Variants in USH2A observed in about 807,000 individuals in gnomAD.
USH2A encodes usherin.
USH2A carries 443 observed loss-of-function variants against 538.9 expected under a neutral mutation model. That is an observed-to-expected ratio of 0.82 (90% CI 0.76 to 0.89). USH2A has a LOEUF of 0.89. USH2A is among the 40% of genes least tolerant of loss of function. The pLI, the probability that USH2A is intolerant of heterozygous loss-of-function variation, is 0.00. For missense variants in USH2A, 6,633 were observed against 6,324.8 expected, an observed-to-expected ratio of 1.05 and a Z score of -1.65; for synonymous variants, 2,413 against 2,273.5, an observed-to-expected ratio of 1.06 and a Z score of -1.75.
intron 9 of USH2A, among the ~76,000 whole-genome samples, chr1:216,308,535 T>C (rs968563689): frequency 2.0e-5 from 3 of 152,234 alleles, no homozygotes; most frequent in African/African-American, 7.2e-5. Flanking sequence ...GTTTTTCAAA[T>C]AGTTTGCTTA....
chr1:215,627,275 A>AGAAGTG (rs1013121901), intron 71 of USH2A, among the ~76,000 whole-genome samples: 16 of 152,308 alleles, frequency 1.1e-4, no homozygotes, highest in African/African-American at 3.6e-4. Context: ...GATGATTGAA[A>AGAAGTG]GAAGTGGAGG....
chr1:216,367,770 A>T (rs2038627139), intron 3 of USH2A, among the ~76,000 whole-genome samples: 1 of 152,144 alleles, frequency 6.6e-6, no homozygotes. Flanking sequence ...CTATTTTACA[A>T]TTCTGATCTG....
intron 4 of USH2A, among the ~76,000 whole-genome samples, chr1:216,335,170 G>T (rs748331539): frequency 6.6e-6 from 1 of 151,642 alleles, no homozygotes; most frequent in Non-Finnish European, 1.5e-5. Flanking sequence ...TAACAAATGT[G>T]TGAAAATTAA....
At chr1:216,233,241 G>C (rs1485901863) in intron 13 of USH2A, among the ~76,000 whole-genome samples, 1 of 151,982 alleles carries the variant, frequency 6.6e-6, no homozygotes, top group African/African-American at 2.4e-5. Context: ...AGTCATATTT[G>C]TTCCTCTTCT....
At chr1:216,210,719 G>A (rs551223726) in intron 15 of USH2A, among the ~76,000 whole-genome samples, 4 of 152,196 alleles carry the variant, frequency 2.6e-5, no homozygotes, top group African/African-American at 7.2e-5. Flanking sequence ...CTTCAGTCAT[G>A]CCTATCCAAT....
chr1:215,676,306 A>G (rs10495004), intron 62 of USH2A, among the ~76,000 whole-genome samples: 32,710 of 152,124 alleles, frequency 0.22, 3,851 homozygotes, highest in South Asian at 0.41. Flanking sequence ...TTGTTCTGGA[A>G]AAAAACATCT....
At chr1:215,691,516 A>G (rs1035080899) in intron 61 of USH2A, among the ~76,000 whole-genome samples, 9 of 152,158 alleles carry the variant, frequency 5.9e-5, no homozygotes, top group Non-Finnish European at 2.9e-5. Context: ...ACTTCAGCTC[A>G]TCTTCTCAAT....
Position 215,674,846 on chromosome 1 carries a change from A to T in USH2A, c.13065T>A (p.Ala4355=). 6.2e-7 allele frequency: 1 copy of T among 1,614,158 alleles called. No individual in the cohort carries two copies. Among genetic ancestry groups the T allele is most frequent in the South Asian group, 1.1e-5 (1 of 91,082 alleles). The change falls in exon 63 of 72, where the codon GCT becomes GCA. Residue 4355 remains alanine, a synonymous_variant. Coordinates refer to ENST00000307340, the MANE Select transcript of USH2A (RefSeq NM_206933.4). ...KPTSITTLEA[A]PSEVSPPDLW... is the part of the protein sequence containing the mutation. The stretch of plus-strand genomic sequence containing the variant: ...GATCTGGAGGGCTGACTTCTGATGG[A>T]GCAGCCTCCAGAGTTGTGATGCTGG...
At chr1:216,341,243 C>G (rs572584160) in intron 4 of USH2A, among the ~76,000 whole-genome samples, 110 of 152,150 alleles carry the variant, frequency 7.2e-4, no homozygotes, top group African/African-American at 2.6e-3. Flanking sequence ...CTCCCATTCA[C>G]AATTGCTACA....
At chr1:215,998,786 CTTTTTT>C (rs140899702) in intron 34 of USH2A, 95 bp downstream of exon 34, 22 of 1,096,016 alleles carry the variant, frequency 2.0e-5, no homozygotes, top group Non-Finnish European at 2.7e-5. Flanking sequence ...AAGATTTTGA[CTTTTTT>C]TTTTTTAAGT....
rs1392976491 is a variant in USH2A, at chr1:215,630,518, ATATATATAT to A, written c.15298-1492_15298-1484del. On this transcript the variant is annotated intron_variant, in intron 70 of 71. Transcript: ENST00000307340. ...TATATATATATATATATATATATAT[ATATATATAT>A]GAGAGAGAGAAAGTTGGGTTTTGCA... Among the ~76,000 whole-genome samples the A allele has an allele frequency of 1.7e-3, 185 of 106,442 alleles. 2 individuals carry two copies. The highest frequency in any genetic ancestry group is 5.8e-3 in the African/African-American group (175 of 30,310). 69.8% of individuals were successfully genotyped at this position (106,442 alleles called of 152,430 possible). A position where few individuals can be genotyped will look rare whatever the true frequency, so the allele number is the denominator to read the frequency against.
chr1:215,745,798 A>G (rs914109926), intron 58 of USH2A, among the ~76,000 whole-genome samples: 11 of 152,188 alleles, frequency 7.2e-5, no homozygotes, highest in African/African-American at 2.4e-4. Context: ...AGAGTAGGAC[A>G]ACTTGGGGAA....
chr1:216,415,093 A>G (rs902013819), intron 3 of USH2A, among the ~76,000 whole-genome samples: 3 of 152,236 alleles, frequency 2.0e-5, no homozygotes, highest in Non-Finnish European at 4.4e-5. Context: ...GAGAAGAGAA[A>G]AAAAGCACAA....
intron 4 of USH2A, among the ~76,000 whole-genome samples, chr1:216,360,619 A>G (rs904180914): frequency 1.3e-5 from 2 of 152,050 alleles, no homozygotes; most frequent in Non-Finnish European, 2.9e-5. Flanking sequence ...ACAATGGGGA[A>G]GGCTGTGCGT....
intron 21 of USH2A, among the ~76,000 whole-genome samples, chr1:216,126,246 TG>T (rs2033252451): frequency 6.6e-6 from 1 of 151,998 alleles, no homozygotes; most frequent in African/African-American, 2.4e-5. Context: ...TTTTTTGAGA[TG>T]AGGTCTTGCT....
intron 32 of USH2A, among the ~76,000 whole-genome samples, chr1:216,014,439 C>A (rs1668657521): frequency 6.6e-6 from 1 of 152,192 alleles, no homozygotes; most frequent in African/African-American, 2.4e-5. Flanking sequence ...AGCTTAACTG[C>A]AACTGATTTG....
intron 31 of USH2A, among the ~76,000 whole-genome samples, chr1:216,047,119 C>T (rs1475448771): frequency 6.6e-6 from 1 of 151,846 alleles, no homozygotes; most frequent in Non-Finnish European, 1.5e-5. Flanking sequence ...ATTGGGGGGT[C>T]CTAAGAACTA....
chr1:216,097,902 A>G (rs1187175392), intron 21 of USH2A, among the ~76,000 whole-genome samples: 3 of 151,912 alleles, frequency 2.0e-5, no homozygotes, highest in African/African-American at 7.3e-5. Flanking sequence ...CAGCCCTATG[A>G]ATGATGTCAC....
intron 17 of USH2A, 96 bp from the exon 18 acceptor site, chr1:216,198,680 T>A (rs897538129): frequency 1.0e-4 from 110 of 1,078,264 alleles, no homozygotes; most frequent in South Asian, 7.3e-4. Flanking sequence ...GTGCTGGATA[T>A]TCATTGTCTT....
Sources: gnomAD v4.1 joint callset for allele counts (sites outside exome capture counted in the v4.1 genomes callset) on GRCh38, gnomAD v4.1.1 for gene constraint, MANE v1.5 for transcripts, NCBI Gene and HGNC (gene_info 2026-07-23, HGNC 2026-07-21) for gene names.